The following EXOC4 variants were observed in gnomAD, a reference collection of about 807,000 sequenced individuals.
The protein encoded by EXOC4 is exocyst complex component 4, also known as SEC8-like 1.
EXOC4 carries 71 observed loss-of-function variants against 107.2 expected under a neutral mutation model. That is an observed-to-expected ratio of 0.66 (90% CI 0.55 to 0.81). EXOC4 has a LOEUF of 0.81. Ranked by LOEUF, EXOC4 falls within the 30% of genes least tolerant of loss-of-function variation. The probability of loss-of-function intolerance (pLI) is 0.00; values close to 1 mark genes in which losing one functional copy is unlikely to be tolerated. For synonymous variants in EXOC4, 456 were observed against 441.2 expected (o/e 1.03, Z -0.42); for missense variants, 1,108 against 1,189.6 (o/e 0.93, Z 1.01).
chr7:133,283,491 C>A (rs1794206024), intron 2 of EXOC4, among the ~76,000 whole-genome samples: 1 of 152,166 alleles, frequency 6.6e-6, no homozygotes. Flanking sequence ...GTGCAGATAT[C>A]TTTTTGACAT....
At chr7:133,599,991 C>T (rs1321193264) in intron 9 of EXOC4, among the ~76,000 whole-genome samples, 1 of 148,040 alleles carries the variant, frequency 6.8e-6, no homozygotes, top group East Asian at 2.0e-4. Flanking sequence ...TCCTAAACCT[C>T]CTTGGCTCAG....
chr7:133,834,677 A>G (rs554822895), intron 11 of EXOC4, among the ~76,000 whole-genome samples: 1 of 152,390 alleles, frequency 6.6e-6, no homozygotes, highest in African/African-American at 2.4e-5. Context: ...AAGTGCAGAA[A>G]GAACTTTCTC....
intron 13 of EXOC4, among the ~76,000 whole-genome samples, chr7:133,918,403 G>A (rs1386545864): frequency 6.6e-6 from 1 of 152,154 alleles, no homozygotes; most frequent in African/African-American, 2.4e-5. Flanking sequence ...AAACATGAGA[G>A]TAAGATAAAT....
chr7:133,903,811 C>T (rs546795172), intron 12 of EXOC4, among the ~76,000 whole-genome samples: 2 of 152,052 alleles, frequency 1.3e-5, no homozygotes, highest in South Asian at 4.1e-4. Context: ...AGAAGAGGAC[C>T]ATGGACTTTT....
intron 10 of EXOC4, among the ~76,000 whole-genome samples, chr7:133,762,778 G>A (rs1404682823): frequency 6.6e-6 from 1 of 152,012 alleles, no homozygotes; most frequent in East Asian, 1.9e-4. Context: ...TATAAGAAGT[G>A]AATAATTTCC....
At chr7:133,981,316 A>G (rs1056570435) in intron 14 of EXOC4, among the ~76,000 whole-genome samples, 15 of 152,180 alleles carry the variant, frequency 9.9e-5, no homozygotes, top group African/African-American at 3.1e-4. Flanking sequence ...GATGGCTCTC[A>G]GATTTTGCGA....
chr7:133,758,631 G>T (rs1332996462), intron 10 of EXOC4, among the ~76,000 whole-genome samples: 1 of 152,190 alleles, frequency 6.6e-6, no homozygotes, highest in Admixed American at 6.5e-5. Context: ...GGATGAACAC[G>T]TGTTCTTTGT....
At chr7:133,796,823 C>A (rs950159106) in intron 10 of EXOC4, among the ~76,000 whole-genome samples, 1 of 152,136 alleles carries the variant, frequency 6.6e-6, no homozygotes, top group Admixed American at 6.5e-5. Flanking sequence ...CTGACTTCAT[C>A]GAAGGCTCCT....
intron 10 of EXOC4, among the ~76,000 whole-genome samples, chr7:133,641,895 A>G (rs1355150741): frequency 6.6e-6 from 1 of 152,214 alleles, no homozygotes; most frequent in African/African-American, 2.4e-5. Flanking sequence ...GTGAATCTAC[A>G]GCTCTTTCTT....
chr7:133,652,185 T>C (rs762320974), intron 10 of EXOC4, among the ~76,000 whole-genome samples: 2 of 152,196 alleles, frequency 1.3e-5, no homozygotes, highest in Non-Finnish European at 2.9e-5. Flanking sequence ...TTAATACTTA[T>C]AATAGAAGAA....
chr7:133,317,670 T>TTTTCTTTC (rs544788906), intron 5 of EXOC4, among the ~76,000 whole-genome samples: 1 of 152,048 alleles, frequency 6.6e-6, no homozygotes, highest in African/African-American at 2.4e-5. Context: ...CCAGCACTGT[T>TTTTCTTTC]TTTCTTTCTT....
intron 5 of EXOC4, among the ~76,000 whole-genome samples, chr7:133,320,429 C>A (rs1428195340): frequency 1.3e-5 from 2 of 152,108 alleles, no homozygotes; most frequent in African/African-American, 4.8e-5. Flanking sequence ...AATGGTGGGT[C>A]ACATTCTTCT....
At chr7:133,755,310 AT>A (rs1795890292) in intron 10 of EXOC4, among the ~76,000 whole-genome samples, 1 of 89,394 alleles carries the variant, frequency 1.1e-5, no homozygotes, top group African/African-American at 4.7e-5. Context: ...TATTATATAT[AT>A]ATTATATATA....
At chr7:133,729,058 A>G (rs548635435) in intron 10 of EXOC4, among the ~76,000 whole-genome samples, 27 of 152,276 alleles carry the variant, frequency 1.8e-4, no homozygotes, top group South Asian at 4.1e-4. Context: ...CAGTTCTTCA[A>G]ATATTTGAAT....
chr7:133,990,574 G>A (rs964202042), intron 14 of EXOC4, among the ~76,000 whole-genome samples: 1 of 152,080 alleles, frequency 6.6e-6, no homozygotes, highest in Non-Finnish European at 1.5e-5. Context: ...TCCTGCCTTA[G>A]CCTCCTGAGT....
chr7:133,966,767 G>A (rs1801080144), intron 14 of EXOC4, among the ~76,000 whole-genome samples: 1 of 152,178 alleles, frequency 6.6e-6, no homozygotes, highest in Non-Finnish European at 1.5e-5. Flanking sequence ...GTTCATCAGG[G>A]ATATTGCCCT....
chr7:134,038,463 A>G (rs139910563), intron 17 of EXOC4, among the ~76,000 whole-genome samples: 85 of 152,038 alleles, frequency 5.6e-4, no homozygotes, highest in Non-Finnish European at 9.7e-4. Context: ...GGATTGTTGG[A>G]CTCTCGTTTC....
intron 10 of EXOC4, among the ~76,000 whole-genome samples, chr7:133,766,492 G>T (rs1796141449): frequency 6.6e-6 from 1 of 151,960 alleles, no homozygotes; most frequent in Admixed American, 6.6e-5. Context: ...ATCTACCTCA[G>T]TGGAATTTGG....
intron 14 of EXOC4, among the ~76,000 whole-genome samples, chr7:133,971,811 G>A (rs1801246170): frequency 6.6e-6 from 1 of 152,190 alleles, no homozygotes; most frequent in Non-Finnish European, 1.5e-5. Context: ...ACCAGTGGCA[G>A]TCTGCACTGT....
Sources: allele counts gnomAD v4.1 joint callset (sites outside exome capture counted in the v4.1 genomes callset), GRCh38; gene constraint gnomAD v4.1.1; transcripts MANE v1.5; gene names NCBI Gene and HGNC (gene_info 2026-07-23, HGNC 2026-07-21).